Variants in PLCE1 observed in about 807,000 individuals in gnomAD.
PLCE1 encodes 1-phosphatidylinositol 4,5-bisphosphate phosphodiesterase epsilon-1.
A neutral mutation model predicts 242.8 loss-of-function variants in PLCE1; 119 were observed. The ratio of observed to expected loss-of-function variants is 0.49; its 90% CI spans 0.42 to 0.57. The LOEUF (loss-of-function observed/expected upper bound fraction) is 0.57. Among genes scored for constraint, PLCE1 ranks in the 20% least tolerant of loss-of-function variants. The pLI, the probability that PLCE1 is intolerant of heterozygous loss-of-function variation, is 0.00. For synonymous variants in PLCE1, 945 were observed against 1,017.4 expected (o/e 0.93, Z 1.35); for missense variants, 2,441 against 2,788.8 (o/e 0.88, Z 2.81).
chr10:94,077,512 AC>A (rs1490480326), intron 2 of PLCE1, among the ~76,000 whole-genome samples: 1 of 152,102 alleles, frequency 6.6e-6, no homozygotes, highest in African/African-American at 2.4e-5. Flanking sequence ...GTAATCCCAG[AC>A]CTTTGGGAGG....
At chr10:94,017,536 G>C (rs2061303797) in intron 1 of PLCE1, among the ~76,000 whole-genome samples, 1 of 152,160 alleles carries the variant, frequency 6.6e-6, no homozygotes, top group Non-Finnish European at 1.5e-5. Flanking sequence ...AGAATTTGAT[G>C]TCATTGATGG....
At chr10:94,243,641 G>T (rs764053116) in intron 7 of PLCE1, among the ~76,000 whole-genome samples, 3 of 152,124 alleles carry the variant, frequency 2.0e-5, no homozygotes, top group African/African-American at 7.2e-5. Flanking sequence ...TAATTATCAG[G>T]TGACTGAGCA....
chr10:94,255,698 C>T (rs1003911569), intron 11 of PLCE1, among the ~76,000 whole-genome samples: 1 of 152,028 alleles, frequency 6.6e-6, no homozygotes, highest in Non-Finnish European at 1.5e-5. Flanking sequence ...TTTATAAGTT[C>T]CATGCAAATT....
chr10:94,067,477 GTTTT>G (rs959756207), intron 2 of PLCE1, among the ~76,000 whole-genome samples: 4 of 152,146 alleles, frequency 2.6e-5, no homozygotes, highest in Admixed American at 1.3e-4. Flanking sequence ...AAAAGCCAGA[GTTTT>G]TGTTTCCTTT....
At chr10:94,226,832 T>TC (rs1554888481) in intron 4 of PLCE1, among the ~76,000 whole-genome samples, 2,720 of 49,568 alleles carry the variant, frequency 0.055, 222 homozygotes, top group African/African-American at 0.14. Context: ...CCTATAGGTC[T>TC]TTTTTTTTTT....
At chr10:94,020,462 G>C (rs1400679622) in intron 1 of PLCE1, among the ~76,000 whole-genome samples, 2 of 152,082 alleles carry the variant, frequency 1.3e-5, no homozygotes, top group African/African-American at 2.4e-5. Flanking sequence ...CTTTTGAAGA[G>C]GAGATGTTTT....
chr10:94,223,553 A>G (rs4477375), intron 4 of PLCE1, among the ~76,000 whole-genome samples: 97,689 of 152,012 alleles, frequency 0.64, 31,661 homozygotes, highest in East Asian at 0.93. Context: ...AAACTGTTCT[A>G]TTTGGCTAAG....
intron 19 of PLCE1, among the ~76,000 whole-genome samples, chr10:94,277,256 T>C (rs1486967069): frequency 1.3e-5 from 2 of 152,108 alleles, no homozygotes; most frequent in African/African-American, 4.8e-5. Context: ...TCACCTTAAA[T>C]GACAGACACT....
intron 2 of PLCE1, among the ~76,000 whole-genome samples, chr10:94,109,482 C>A (rs1162800103): frequency 6.6e-6 from 1 of 152,150 alleles, no homozygotes; most frequent in Non-Finnish European, 1.5e-5. Flanking sequence ...GTGGCACGTT[C>A]CTATAGTTCC....
chr10:94,074,626 C>G (rs2044452300), intron 2 of PLCE1, among the ~76,000 whole-genome samples: 1 of 152,064 alleles, frequency 6.6e-6, no homozygotes, highest in Admixed American at 6.6e-5. Context: ...TTTATTAAGT[C>G]CAAAATGTAA....
intron 2 of PLCE1, among the ~76,000 whole-genome samples, chr10:94,067,019 C>T (rs927875024): frequency 1.3e-5 from 2 of 152,202 alleles, no homozygotes; most frequent in African/African-American, 2.4e-5. Flanking sequence ...CCTTTTTACA[C>T]TCACTTTGCT....
At chr10:94,014,421 T>C (rs1477085307) in intron 1 of PLCE1, among the ~76,000 whole-genome samples, 3 of 141,782 alleles carry the variant, frequency 2.1e-5, no homozygotes, top group African/African-American at 5.4e-5. Context: ...CTGAGCAACA[T>C]AGAGAAATCC....
chr10:94,223,236 A>C (rs925280210), intron 4 of PLCE1, among the ~76,000 whole-genome samples: 4 of 151,016 alleles, frequency 2.6e-5, no homozygotes, highest in Admixed American at 2.6e-4. Context: ...ATCTCTACAA[A>C]AAAAAAAAAA....
chr10:94,142,771 G>A (rs1182914501), intron 3 of PLCE1, among the ~76,000 whole-genome samples: 3 of 152,192 alleles, frequency 2.0e-5, no homozygotes, highest in East Asian at 1.9e-4. Context: ...TTCCCTAGCT[G>A]TGGGCCTAGA....
chr10:94,312,515 C>T (rs376736056), intron 27 of PLCE1, among the ~76,000 whole-genome samples: 1 of 152,236 alleles, frequency 6.6e-6, no homozygotes, highest in African/African-American at 2.4e-5. Context: ...TGCTAAATTA[C>T]ACTAGGTCCT....
In PLCE1 at chr10:94,268,991, C is replaced by A; in HGVS notation, c.4344C>A (p.Pro1448=). 6.2e-7 allele frequency: 1 copy of A among 1,611,446 alleles called. No individual in the cohort carries two copies. The highest frequency in any genetic ancestry group is 1.7e-5 in the Admixed American group (1 of 59,950). The change falls in exon 17 of 33, where the codon CCC becomes CCA. Residue 1448 remains proline (P), a synonymous_variant. Coordinates refer to ENST00000371380, the MANE Select transcript of PLCE1 (RefSeq NM_016341.4). ...LDCWDGDDGM[P]IIYHGHTLTT... ...GCTGGGACGGAGACGATGGGATGCC[C>A]ATCATTTATCATGGACATACGCTGA...
At position 94,027,597 on chromosome 10, in the gene PLCE1, G is replaced by A. The variant is rs142587795; in HGVS notation, c.-364-3086G>A. 9.5e-3 allele frequency among the ~76,000 whole-genome samples: 1,452 copies of A among 152,240 alleles called. 15 individuals carry two copies. The highest frequency in any genetic ancestry group is 0.044 in the Middle Eastern group (13 of 294). ...AGCACTTCGGGAAGCCAAGGTGGGCGGATCACAAGGTCAGGAGATCGAGAC... is the reference window on the plus strand; with the variant it reads ...AGCACTTCGGGAAGCCAAGGTGGGCAGATCACAAGGTCAGGAGATCGAGAC... On this transcript the variant is annotated intron_variant, in intron 1 of 32. Transcript: ENST00000371380.
intron 2 of PLCE1, among the ~76,000 whole-genome samples, chr10:94,093,935 T>TTTA (rs67845524): frequency 3.0e-5 from 2 of 66,596 alleles, no homozygotes; most frequent in African/African-American, 2.6e-4. Flanking sequence ...TCGGTATTTC[T>TTTA]TTTTTTTTTT....
chr10:94,245,065 C>T (rs114254710), intron 7 of PLCE1, among the ~76,000 whole-genome samples: 255 of 152,144 alleles, frequency 1.7e-3, no homozygotes, highest in African/African-American at 5.8e-3. Context: ...TTAAAAAAAC[C>T]TAAAAAGGAC....
Sources: allele counts gnomAD v4.1 joint callset (sites outside exome capture counted in the v4.1 genomes callset), GRCh38; gene constraint gnomAD v4.1.1; transcripts MANE v1.5; gene names NCBI Gene and HGNC (gene_info 2026-07-23, HGNC 2026-07-21).